Variants in RNF150 observed in about 807,000 individuals in gnomAD.
RNF150 encodes the protein ring finger protein 150.
A neutral mutation model predicts 39.3 loss-of-function variants in RNF150; 24 were observed. The observed-to-expected ratio is 0.61, with a 90% CI of 0.44 to 0.86. The LOEUF (loss-of-function observed/expected upper bound fraction) is 0.86, where lower values mean the gene tolerates loss of function less well. RNF150 is among the 40% of genes least tolerant of loss of function. The pLI is 0.00. For synonymous variants in RNF150, 255 were observed against 227.3 expected, an observed-to-expected ratio of 1.12 and a Z score of -1.10; for missense variants, 502 against 587.8, an observed-to-expected ratio of 0.85 and a Z score of 1.51.
intron 1 of RNF150, among the ~76,000 whole-genome samples, chr4:141,153,537 T>G (rs1727335087): frequency 6.6e-6 from 1 of 152,198 alleles, no homozygotes; most frequent in Non-Finnish European, 1.5e-5. Context: ...AATAAATTTC[T>G]GTTGTCTAAA....
chr4:141,041,615 T>C (rs1300330316), intron 1 of RNF150, among the ~76,000 whole-genome samples: 3 of 152,128 alleles, frequency 2.0e-5, no homozygotes, highest in Non-Finnish European at 4.4e-5. Context: ...ATGTATTTCT[T>C]CTATGGGCTG....
chr4:141,147,993 G>A (rs1727230272), intron 1 of RNF150, among the ~76,000 whole-genome samples: 1 of 151,936 alleles, frequency 6.6e-6, no homozygotes. Flanking sequence ...TATATTGGTT[G>A]GTAACATCCT....
intron 1 of RNF150, among the ~76,000 whole-genome samples, chr4:141,164,117 G>A (rs897160426): frequency 6.6e-6 from 1 of 151,958 alleles, no homozygotes; most frequent in South Asian, 2.1e-4. Context: ...TAAATGGCCT[G>A]TGGAGCTGAA....
chr4:141,183,321 C>T (rs1169863724), intron 1 of RNF150, among the ~76,000 whole-genome samples: 1 of 152,142 alleles, frequency 6.6e-6, no homozygotes, highest in East Asian at 1.9e-4. Context: ...AGATTGTCCC[C>T]AATTATCCCC....
rs1442753926 is a variant in RNF150, at chr4:140,980,052, TTC to T, written c.485-12181_485-12180del. Among the ~76,000 whole-genome samples, 3 of 152,164 alleles carry T rather than the reference TTC, an allele frequency of 2.0e-5. No individual in the cohort carries two copies. The East Asian group carries it at 5.8e-4, about 29-fold the overall frequency. ...TCCCCTTAAGGCTATTTCATTTTTT[TTC>T]TTTTTTTTGACGGAGTCTCGCTTTG... On this transcript the variant is annotated intron_variant, in intron 1 of 6. Coordinates refer to ENST00000515673, the MANE Select transcript of RNF150 (RefSeq NM_020724.2).
At chr4:141,108,315 C>T (rs1739277741) in intron 1 of RNF150, among the ~76,000 whole-genome samples, 1 of 152,136 alleles carries the variant, frequency 6.6e-6, no homozygotes, top group South Asian at 2.1e-4. Context: ...AATTTTTCTT[C>T]TAGTTTAATA....
intron 5 of RNF150, among the ~76,000 whole-genome samples, chr4:140,921,814 A>G (rs1297492865): frequency 6.6e-6 from 1 of 152,226 alleles, no homozygotes; most frequent in East Asian, 1.9e-4. Context: ...CTGGTTCAAC[A>G]TATGCAAATC....
chr4:140,893,774 G>C (rs558744791), intron 6 of RNF150, among the ~76,000 whole-genome samples: 10 of 152,212 alleles, frequency 6.6e-5, no homozygotes, highest in African/African-American at 2.4e-4. Flanking sequence ...GTATCGTTTA[G>C]AGTTGGATTA....
chr4:141,058,115 A>G (rs958116215), intron 1 of RNF150, among the ~76,000 whole-genome samples: 2 of 152,208 alleles, frequency 1.3e-5, no homozygotes, highest in African/African-American at 4.8e-5. Context: ...CCAAATGGAT[A>G]CATCCCTGTT....
At chr4:141,202,903 G>A (rs1484836599) in intron 1 of RNF150, among the ~76,000 whole-genome samples, 1 of 151,790 alleles carries the variant, frequency 6.6e-6, no homozygotes, top group Non-Finnish European at 1.5e-5. Flanking sequence ...AAAGAATAGA[G>A]TGGCAATAAA....
rs1270052200 is a variant in RNF150, at chr4:140,867,093, T to A, written c.*1168A>T. 1 of 152,224 alleles carries A rather than the reference T, an allele frequency of 6.6e-6. No homozygotes were observed. The highest frequency in any genetic ancestry group is 1.5e-5 in the Non-Finnish European group (1 of 68,044). 9.4% of individuals were successfully genotyped at this position (152,224 alleles called of 1,614,324 possible). A position where few individuals can be genotyped will look rare whatever the true frequency, so the allele number is the denominator to read the frequency against. On this transcript the variant is annotated 3_prime_UTR_variant, in exon 7 of 7. Coordinates refer to ENST00000515673, the MANE Select transcript of RNF150 (RefSeq NM_020724.2). ...ATCACACCTCATTCCTCACTTGGTATCTGGACACACTCAGGGAGCCCTGGG... is the reference window on the plus strand; with the variant it reads ...ATCACACCTCATTCCTCACTTGGTAACTGGACACACTCAGGGAGCCCTGGG...
Position 140,911,268 on chromosome 4 carries a change from G to A in RNF150, c.1074C>T (p.Ser358=), listed in dbSNP as rs766624789. The change falls in exon 6 of 7, where the codon AGC becomes AGT. Residue 358 remains serine, a synonymous_variant. Coordinates refer to ENST00000515673, the MANE Select transcript of RNF150 (RefSeq NM_020724.2). ...GPPTNQITGA[S]DTTVNESSVT... Reference sequence around the variant, plus strand: ...CTGAACTTTCATTCACTGTTGTGTCGCTGGCACCTGTGATCTGGTTGGTGG... The same window carrying A: ...CTGAACTTTCATTCACTGTTGTGTCACTGGCACCTGTGATCTGGTTGGTGG... The A allele has an allele frequency of 1.1e-5, 17 of 1,613,970 alleles. No homozygotes were observed. The highest frequency in any genetic ancestry group is 7.7e-5 in the South Asian group (7 of 91,080).
At chr4:140,868,505 A>T in intron 6 of RNF150, 126 bp from the exon 7 acceptor site, 1 of 629,884 alleles carries the variant, frequency 1.6e-6, no homozygotes, top group East Asian at 2.7e-5. Context: ...AAAATTGGGT[A>T]TTCTGTAAAA....
intron 6 of RNF150, among the ~76,000 whole-genome samples, chr4:140,891,739 C>A (rs1465755066): frequency 6.6e-6 from 1 of 152,166 alleles, no homozygotes; most frequent in Non-Finnish European, 1.5e-5. Context: ...CGACTGGTAC[C>A]AGTCCATGGT....
intron 1 of RNF150, among the ~76,000 whole-genome samples, chr4:141,208,253 T>C (rs1290892338): frequency 6.6e-6 from 1 of 152,210 alleles, no homozygotes; most frequent in East Asian, 1.9e-4. Context: ...TTCCAGCCCC[T>C]GTACTACAGA....
At chr4:140,885,201 C>CTTTT (rs752444379) in intron 6 of RNF150, among the ~76,000 whole-genome samples, 6 of 129,140 alleles carry the variant, frequency 4.6e-5, no homozygotes, top group East Asian at 2.1e-4. Flanking sequence ...CAACATCAGT[C>CTTTT]TTTTTTTTTT....
chr4:141,034,206 T>C (rs1736057903), intron 1 of RNF150, among the ~76,000 whole-genome samples: 1 of 152,246 alleles, frequency 6.6e-6, no homozygotes, highest in South Asian at 2.1e-4. Flanking sequence ...CACCTGCTGC[T>C]TCACCTTGCA....
intron 1 of RNF150, among the ~76,000 whole-genome samples, chr4:141,062,816 C>T (rs1377532436): frequency 6.6e-6 from 1 of 152,126 alleles, no homozygotes. Flanking sequence ...GTCCTCCAGC[C>T]CTTGTCCCCC....
intron 1 of RNF150, among the ~76,000 whole-genome samples, chr4:141,207,352 A>T (rs760853397): frequency 1.2e-4 from 18 of 152,174 alleles, no homozygotes; most frequent in Non-Finnish European, 1.0e-4. Flanking sequence ...AATTAGAGAG[A>T]TGCAGCAGAA....
Sources: gnomAD v4.1 joint callset for allele counts (sites outside exome capture counted in the v4.1 genomes callset) on GRCh38, gnomAD v4.1.1 for gene constraint, MANE v1.5 for transcripts, NCBI Gene and HGNC (gene_info 2026-07-23, HGNC 2026-07-21) for gene names.